Variants in ADCY5 observed in about 807,000 individuals in gnomAD.
ADCY5 encodes the protein adenylate cyclase 5.
ADCY5 carries 30 observed loss-of-function variants against 119.7 expected under a neutral mutation model. That is an observed-to-expected ratio of 0.25 (90% CI 0.19 to 0.34). The LOEUF is 0.34. Among genes scored for constraint, ADCY5 ranks in the 10% least tolerant of loss-of-function variants. ADCY5 has a pLI of 1.00. For synonymous variants in ADCY5, 753 were observed against 762.2 expected, an observed-to-expected ratio of 0.99 and a Z score of 0.20; for missense variants, 1,324 against 1,775.2, an observed-to-expected ratio of 0.75 and a Z score of 4.57.
chr3:123,405,648 A>G (rs1944879393), intron 1 of ADCY5, among the ~76,000 whole-genome samples: 1 of 151,824 alleles, frequency 6.6e-6, no homozygotes, highest in African/African-American at 2.4e-5. Context: ...TATTTTATTT[A>G]TTTTGAGTCA....
At chr3:123,361,586 G>A (rs189296717) in intron 1 of ADCY5, among the ~76,000 whole-genome samples, 162 of 151,482 alleles carry the variant, frequency 1.1e-3, no homozygotes, top group Non-Finnish European at 1.8e-3. Context: ...AACAATAGGT[G>A]GCCTCTGTGT....
chr3:123,314,792 T>C (rs531615380), intron 11 of ADCY5, among the ~76,000 whole-genome samples: 3 of 151,910 alleles, frequency 2.0e-5, no homozygotes, highest in South Asian at 4.2e-4. Flanking sequence ...CCTTCATTTC[T>C]AGAAATGCCT....
In ADCY5 at chr3:123,408,331, A is replaced by G. The variant is rs113852337; in HGVS notation, c.1134+39081T>C. Among the ~76,000 whole-genome samples, 615 of 151,608 alleles carry G rather than the reference A, an allele frequency of 4.1e-3. 4 individuals carry two copies. Among genetic ancestry groups the G allele is most frequent in the African/African-American group, 0.014 (593 of 41,300 alleles). On this transcript the variant is annotated intron_variant, in intron 1 of 20. Transcript: ENST00000462833. Reference sequence around the variant, plus strand: ...ACTCAGCAAGAAAATTAGCATACAAATGTTACGTTTTTTGTTTTTTTTTTT... The same window carrying G: ...ACTCAGCAAGAAAATTAGCATACAAGTGTTACGTTTTTTGTTTTTTTTTTT...
chr3:123,365,488 G>T (rs1272823619), intron 1 of ADCY5, among the ~76,000 whole-genome samples: 4 of 152,158 alleles, frequency 2.6e-5, no homozygotes, highest in Non-Finnish European at 5.9e-5. Context: ...TCTATGAAGG[G>T]AAAGCAGAGT....
At chr3:123,422,644 G>A (rs1029526306) in intron 1 of ADCY5, among the ~76,000 whole-genome samples, 7 of 152,202 alleles carry the variant, frequency 4.6e-5, no homozygotes, top group Non-Finnish European at 1.0e-4. Context: ...TCTGGTGGCA[G>A]GGGGCGCTGC....
chr3:123,376,666 T>C (rs780963078), intron 1 of ADCY5, among the ~76,000 whole-genome samples: 5 of 152,058 alleles, frequency 3.3e-5, no homozygotes, highest in Admixed American at 6.5e-5. Flanking sequence ...GCCTCAACCT[T>C]AGTCCCAGGT....
chr3:123,314,615 AAG>A (rs1940799880), intron 11 of ADCY5, among the ~76,000 whole-genome samples: 2 of 152,212 alleles, frequency 1.3e-5, no homozygotes, highest in Non-Finnish European at 2.9e-5. Flanking sequence ...AGCCCACAGG[AAG>A]CTGAATGGAG....
intron 1 of ADCY5, among the ~76,000 whole-genome samples, chr3:123,409,923 C>T (rs1016321953): frequency 6.6e-6 from 1 of 152,218 alleles, no homozygotes; most frequent in African/African-American, 2.4e-5. Flanking sequence ...TGCCCTCTCT[C>T]GTCACCAGCC....
At chr3:123,374,363 A>G (rs1418866736) in intron 1 of ADCY5, among the ~76,000 whole-genome samples, 1 of 152,160 alleles carries the variant, frequency 6.6e-6, no homozygotes, top group African/African-American at 2.4e-5. Context: ...TCCCACAAGC[A>G]ATAAGGAGCC....
intron 3 of ADCY5, among the ~76,000 whole-genome samples, chr3:123,334,007 GT>G (rs1941905440): frequency 6.6e-6 from 1 of 152,074 alleles, no homozygotes; most frequent in African/African-American, 2.4e-5. Context: ...TCTTTCACCC[GT>G]CCCTGTGGCT....
intron 3 of ADCY5, among the ~76,000 whole-genome samples, chr3:123,340,355 T>G (rs901049193): frequency 2.0e-5 from 3 of 152,202 alleles, no homozygotes; most frequent in Non-Finnish European, 4.4e-5. Context: ...AATCACATTC[T>G]TCTTTTGGGG....
intron 3 of ADCY5, among the ~76,000 whole-genome samples, chr3:123,334,143 C>T (rs12634663): frequency 2.0e-5 from 3 of 151,982 alleles, no homozygotes; most frequent in Admixed American, 6.5e-5. Flanking sequence ...TCTAAAAACT[C>T]TCATGTACTG....
At chr3:123,416,799 A>G (rs1454020505) in intron 1 of ADCY5, among the ~76,000 whole-genome samples, 1 of 152,118 alleles carries the variant, frequency 6.6e-6, no homozygotes, top group African/African-American at 2.4e-5. Flanking sequence ...GTGTGTATGC[A>G]TGAGTGTGAG....
At chr3:123,373,571 C>G (rs914667709) in intron 1 of ADCY5, among the ~76,000 whole-genome samples, 1 of 152,242 alleles carries the variant, frequency 6.6e-6, no homozygotes, top group South Asian at 2.1e-4. Context: ...GGAGTTAGGA[C>G]AGAGGTCCTT....
rs987058461 is a variant in ADCY5 at position 123,284,233 on chromosome 3, C to T, written c.*375G>A. The T allele has an allele frequency of 1.0e-5, 2 of 196,522 alleles. No homozygotes were observed. Among genetic ancestry groups the T allele is most frequent in the Non-Finnish European group, 2.1e-5 (2 of 95,524 alleles). 12.2% of individuals were successfully genotyped at this position (196,522 alleles called of 1,614,324 possible). A position where few individuals can be genotyped will look rare whatever the true frequency, so the allele number is the denominator to read the frequency against. On this transcript the variant is annotated 3_prime_UTR_variant, in exon 21 of 21. Transcript: ENST00000462833. ...CCCAGGCCACATTCGAGCCCGTCTA[C>T]CCCCAGCTGAGTCGGAGGCCCCTCA...
At chr3:123,402,348 G>A (rs377345574) in intron 1 of ADCY5, among the ~76,000 whole-genome samples, 4 of 152,246 alleles carry the variant, frequency 2.6e-5, no homozygotes, top group African/African-American at 7.2e-5. Flanking sequence ...CGGGGCTGCA[G>A]AGCATGGCTC....
intron 1 of ADCY5, among the ~76,000 whole-genome samples, chr3:123,403,743 G>C (rs964745775): frequency 3.3e-5 from 5 of 152,192 alleles, no homozygotes; most frequent in Non-Finnish European, 7.3e-5. Flanking sequence ...TCCTGAGTTG[G>C]GCTTTCCCAG....
intron 12 of ADCY5, among the ~76,000 whole-genome samples, chr3:123,307,007 T>G (rs930974669): frequency 3.3e-5 from 5 of 152,092 alleles, no homozygotes; most frequent in African/African-American, 1.2e-4. Flanking sequence ...CATGTGAGAT[T>G]CCCTTTATGT....
intron 1 of ADCY5, among the ~76,000 whole-genome samples, chr3:123,411,267 C>T (rs1340325276): frequency 2.0e-5 from 3 of 152,204 alleles, no homozygotes; most frequent in African/African-American, 7.2e-5. Flanking sequence ...TTGGGGTCCA[C>T]TCAGAGGGCT....
Sources: gnomAD v4.1 joint callset for allele counts (sites outside exome capture counted in the v4.1 genomes callset) on GRCh38, gnomAD v4.1.1 for gene constraint, MANE v1.5 for transcripts, NCBI Gene and HGNC (gene_info 2026-07-23, HGNC 2026-07-21) for gene names.